HECW2: variants seen among roughly 807,000 people sequenced by gnomAD.
HECW2 encodes the protein E3 ubiquitin-protein ligase HECW2.
Under a neutral mutation model 175.2 loss-of-function variants are expected in HECW2, and 61 were observed. The observed-to-expected ratio is 0.35, with a 90% CI of 0.28 to 0.43. The LOEUF (loss-of-function observed/expected upper bound fraction) is 0.43. Among genes scored for constraint, HECW2 ranks in the 20% least tolerant of loss-of-function variants. The probability of loss-of-function intolerance (pLI) is 1.00; values close to 1 mark genes in which losing one functional copy is unlikely to be tolerated. For missense variants in HECW2, 1,524 were observed against 2,000.5 expected (o/e 0.76, Z 4.54); for synonymous variants, 671 against 731.0 (o/e 0.92, Z 1.32).
At chr2:196,514,980 G>A (rs994506960) in intron 1 of HECW2, among the ~76,000 whole-genome samples, 7 of 152,264 alleles carry the variant, frequency 4.6e-5, no homozygotes, top group Admixed American at 2.0e-4. Context: ...GGAGAGAAGC[G>A]GCCCTTTAGG....
intron 3 of HECW2, among the ~76,000 whole-genome samples, chr2:196,342,832 T>A (rs867931940): frequency 1.3e-5 from 2 of 152,170 alleles, no homozygotes; most frequent in Non-Finnish European, 2.9e-5. Flanking sequence ...CAAAGGCAAG[T>A]CATGTTATTA....
At chr2:196,431,130 T>G (rs1695699749) in intron 2 of HECW2, among the ~76,000 whole-genome samples, 2 of 152,312 alleles carry the variant, frequency 1.3e-5, no homozygotes, top group African/African-American at 4.8e-5. Flanking sequence ...TGAAATAAAC[T>G]GATGAAGAGT....
rs781703781 is a variant in HECW2, at chr2:196,306,449, T to C, written c.2814+39A>G. The C allele has an allele frequency of 2.0e-5, 31 of 1,570,988 alleles. No individual in the cohort carries two copies. The Middle Eastern group carries it at 6.8e-4, about 34-fold the overall frequency. On this transcript the variant is annotated intron_variant, in intron 13 of 28. Transcript: ENST00000644978. Reference sequence around the variant, plus strand: ...GAAACAACGATCATTTGCTTTGGCCTGCTGTTTTCCTTCACACTCTTTCAG... The same window carrying C: ...GAAACAACGATCATTTGCTTTGGCCCGCTGTTTTCCTTCACACTCTTTCAG...
chr2:196,402,156 GCA>G (rs1158299237), intron 2 of HECW2, among the ~76,000 whole-genome samples: 36 of 120,624 alleles, frequency 3.0e-4, no homozygotes, highest in African/African-American at 1.1e-3. Context: ...AGCCGAGATG[GCA>G]CCACTGCACT....
chr2:196,370,517 G>T (rs1693877229), intron 2 of HECW2, among the ~76,000 whole-genome samples: 1 of 152,164 alleles, frequency 6.6e-6, no homozygotes, highest in Non-Finnish European at 1.5e-5. Flanking sequence ...GCACTCCCCT[G>T]GCTACCCCAG....
chr2:196,335,443 C>T (rs969093810), intron 3 of HECW2, among the ~76,000 whole-genome samples: 5 of 152,130 alleles, frequency 3.3e-5, no homozygotes, highest in Admixed American at 3.3e-4. Flanking sequence ...ATGGGCAGGC[C>T]CTGGAGGGAG....
intron 18 of HECW2, among the ~76,000 whole-genome samples, chr2:196,257,284 C>T (rs907485066): frequency 2.9e-5 from 4 of 139,038 alleles, no homozygotes; most frequent in Non-Finnish European, 4.9e-5. Flanking sequence ...GGGTGAGGGG[C>T]GGGGGTGAAA....
In HECW2 at chr2:196,378,529, A is replaced by G. The variant is rs116799749; in HGVS notation, c.293-34765T>C. Among the ~76,000 whole-genome samples the G allele has an allele frequency of 4.7e-3, 719 of 152,370 alleles. 9 individuals are homozygous for G. Among genetic ancestry groups the G allele is most frequent in the African/African-American group, 0.016 (684 of 41,596 alleles). On this transcript the variant is annotated intron_variant, in intron 2 of 28. Coordinates refer to ENST00000644978, the MANE Select transcript of HECW2 (RefSeq NM_001348768.2). ...AACACGAGTTCATAGCAATATTAAAATATATGTAGCCCCTAAATAAAATAA... is the reference window on the plus strand; with the variant it reads ...AACACGAGTTCATAGCAATATTAAAGTATATGTAGCCCCTAAATAAAATAA...
At chr2:196,342,598 A>C (rs112419102) in intron 3 of HECW2, among the ~76,000 whole-genome samples, 51 of 152,270 alleles carry the variant, frequency 3.3e-4, no homozygotes, top group African/African-American at 9.9e-4. Flanking sequence ...AAAAGGGACA[A>C]GATATTTTTG....
intron 19 of HECW2, chr2:196,242,796 G>A (rs1378141411): frequency 6.7e-6 from 1 of 148,722 alleles, no homozygotes; most frequent in Non-Finnish European, 1.5e-5. Flanking sequence ...GGGTTCAAGT[G>A]ATTCTCCTGT....
chr2:196,544,109 T>C (rs1320915440), intron 1 of HECW2, among the ~76,000 whole-genome samples: 3 of 152,214 alleles, frequency 2.0e-5, no homozygotes, highest in Non-Finnish European at 4.4e-5. Flanking sequence ...GCAGGCACTA[T>C]AAAAACTACT....
At chr2:196,354,364 G>A (rs1461986453) in intron 2 of HECW2, among the ~76,000 whole-genome samples, 1 of 152,196 alleles carries the variant, frequency 6.6e-6, no homozygotes, top group African/African-American at 2.4e-5. Context: ...CCAGTGGTTG[G>A]AATGGCCGGC....
At chr2:196,213,632 A>G (rs1285887812) in intron 28 of HECW2, among the ~76,000 whole-genome samples, 2 of 152,202 alleles carry the variant, frequency 1.3e-5, no homozygotes, top group African/African-American at 4.8e-5. Flanking sequence ...AATCTGGGTA[A>G]AACTAGGAAT....
At chr2:196,438,288 G>A (rs376532308) in intron 1 of HECW2, among the ~76,000 whole-genome samples, 3 of 152,166 alleles carry the variant, frequency 2.0e-5, no homozygotes, top group African/African-American at 7.2e-5. Flanking sequence ...ACCCATGGGT[G>A]TAATTTAAAA....
At chr2:196,521,383 T>A (rs1688375625) in intron 1 of HECW2, among the ~76,000 whole-genome samples, 1 of 151,586 alleles carries the variant, frequency 6.6e-6, no homozygotes, top group Admixed American at 6.6e-5. Flanking sequence ...ACACTAGTTA[T>A]AAAAAATTTG....
At chr2:196,315,697 A>G (rs888887026) in intron 10 of HECW2, 1 of 152,210 alleles carries the variant, frequency 6.6e-6, no homozygotes, top group African/African-American at 2.4e-5. Context: ...AAACACCAAT[A>G]TTTAAACAAT....
chr2:196,479,907 C>T (rs1686785507), intron 1 of HECW2, among the ~76,000 whole-genome samples: 2 of 152,198 alleles, frequency 1.3e-5, no homozygotes. Flanking sequence ...CTTCTACTGT[C>T]TTCAACTCTA....
At position 196,298,614 on chromosome 2, in the gene HECW2, A is replaced by G. The variant is rs182617426; in HGVS notation, c.2815-5864T>C. Among the ~76,000 whole-genome samples the G allele has an allele frequency of 6.7e-3, 1,019 of 152,224 alleles. 14 individuals carry two copies. Among genetic ancestry groups the G allele is most frequent in the African/African-American group, 0.023 (976 of 41,536 alleles). ...CTGCACCCATTAACTCGTCATTTACATTAGGTATATCTCCTAATGCTATCC... is the reference window on the plus strand; with the variant it reads ...CTGCACCCATTAACTCGTCATTTACGTTAGGTATATCTCCTAATGCTATCC... On this transcript the variant is annotated intron_variant, in intron 13 of 28. Coordinates refer to ENST00000644978, the MANE Select transcript of HECW2 (RefSeq NM_001348768.2).
chr2:196,409,801 A>G (rs6712010), intron 2 of HECW2, among the ~76,000 whole-genome samples: 3,661 of 152,258 alleles, frequency 0.024, 155 homozygotes, highest in African/African-American at 0.083. Flanking sequence ...TGCTACCAGA[A>G]GATTTTTAAA....
Sources: allele counts gnomAD v4.1 joint callset (sites outside exome capture counted in the v4.1 genomes callset), GRCh38; gene constraint gnomAD v4.1.1; transcripts MANE v1.5; gene names NCBI Gene and HGNC (gene_info 2026-07-23, HGNC 2026-07-21).